Variants in RNF111 observed in about 807,000 individuals in gnomAD.
RNF111 encodes E3 ubiquitin-protein ligase Arkadia.
Under a neutral mutation model 95.1 loss-of-function variants are expected in RNF111, and 17 were observed. The ratio of observed to expected loss-of-function variants is 0.18; its 90% CI spans 0.12 to 0.27. RNF111 has a LOEUF of 0.27. RNF111 is among the 10% of genes least tolerant of loss of function. The pLI is 1.00. For missense variants in RNF111, 1,189 were observed against 1,210.4 expected (o/e 0.98, Z 0.26); for synonymous variants, 440 against 414.8 (o/e 1.06, Z -0.74).
At chr15:59,013,299 C>T (rs771786646) in intron 1 of RNF111, among the ~76,000 whole-genome samples, 28 of 152,168 alleles carry the variant, frequency 1.8e-4, no homozygotes, top group Non-Finnish European at 3.2e-4. Flanking sequence ...ACCCATTACA[C>T]GTTTGTCATG....
chr15:59,065,178 G>T (rs1240278842), intron 5 of RNF111, among the ~76,000 whole-genome samples: 1 of 152,190 alleles, frequency 6.6e-6, no homozygotes, highest in Non-Finnish European at 1.5e-5. Flanking sequence ...AGAGTAGGGG[G>T]TTAAGGATGG....
intron 1 of RNF111, 56 bp from the exon 2 acceptor site, chr15:59,030,748 A>G: frequency 8.1e-7 from 1 of 1,239,630 alleles, no homozygotes; most frequent in Non-Finnish European, 1.1e-6. Context: ...CTCTTCAATT[A>G]AATAGTATAA....
At chr15:59,034,355 T>G (rs2041066449) in intron 2 of RNF111, among the ~76,000 whole-genome samples, 1 of 152,248 alleles carries the variant, frequency 6.6e-6, no homozygotes, top group Admixed American at 6.5e-5. Flanking sequence ...TGTTGTTGGC[T>G]GTTGTTACCA....
chr15:59,052,009 A>G (rs532437554), intron 2 of RNF111, among the ~76,000 whole-genome samples: 1 of 152,248 alleles, frequency 6.6e-6, no homozygotes, highest in East Asian at 1.9e-4. Context: ...ATTACAGGAT[A>G]AATATCTATA....
At chr15:59,032,003 A>G (rs573989822) in intron 2 of RNF111, among the ~76,000 whole-genome samples, 196 of 152,114 alleles carry the variant, frequency 1.3e-3, no homozygotes, top group African/African-American at 4.6e-3. Context: ...CAGTGGCGCA[A>G]TCTCGGCTCA....
chr15:59,023,180 G>A (rs1219563239), intron 1 of RNF111, among the ~76,000 whole-genome samples: 1 of 152,158 alleles, frequency 6.6e-6, no homozygotes, highest in Non-Finnish European at 1.5e-5. Context: ...TCCGGGAGGC[G>A]TAGGTTGCAG....
chr15:59,001,135 G>T (rs143079828), intron 1 of RNF111, among the ~76,000 whole-genome samples: 20 of 152,236 alleles, frequency 1.3e-4, no homozygotes, highest in African/African-American at 4.8e-4. Flanking sequence ...TGGTTATCTG[G>T]GGGAAGAGCA....
intron 2 of RNF111, among the ~76,000 whole-genome samples, chr15:59,046,441 C>G (rs2141908640): frequency 6.6e-6 from 1 of 152,328 alleles, no homozygotes; most frequent in Middle Eastern, 3.4e-3. Context: ...GATCTGCCCA[C>G]CTCAGCCTAC....
At chr15:59,043,698 C>G (rs184236692) in intron 2 of RNF111, among the ~76,000 whole-genome samples, 23 of 152,190 alleles carry the variant, frequency 1.5e-4, no homozygotes, top group Admixed American at 1.5e-3. Flanking sequence ...TGGAAAGATA[C>G]CAACAGAGGA....
chr15:59,001,999 C>T (rs1281610429), intron 1 of RNF111, among the ~76,000 whole-genome samples: 2 of 152,168 alleles, frequency 1.3e-5, no homozygotes, highest in Non-Finnish European at 2.9e-5. Flanking sequence ...ACTCACCTTT[C>T]TTGTGATGAC....
chr15:59,019,757 G>C (rs182566527), intron 1 of RNF111, among the ~76,000 whole-genome samples: 311 of 152,172 alleles, frequency 2.0e-3, no homozygotes, highest in Non-Finnish European at 3.9e-3. Flanking sequence ...TCAGGAATTC[G>C]AGACCGGCCT....
intron 1 of RNF111, among the ~76,000 whole-genome samples, chr15:59,016,230 C>T (rs1364472127): frequency 1.3e-5 from 2 of 151,116 alleles, no homozygotes. Context: ...AGTGCAGTGG[C>T]ATGATTTTGG....
At chr15:59,023,386 C>T (rs529756737) in intron 1 of RNF111, among the ~76,000 whole-genome samples, 1 of 152,138 alleles carries the variant, frequency 6.6e-6, no homozygotes, top group East Asian at 1.9e-4. Context: ...TCATGTAGGT[C>T]CTTTGTGTCT....
intron 3 of RNF111, among the ~76,000 whole-genome samples, chr15:59,054,459 T>C (rs1392664629): frequency 6.6e-6 from 1 of 152,182 alleles, no homozygotes; most frequent in East Asian, 1.9e-4. Flanking sequence ...CCAGAGATAA[T>C]AGACTACTCA....
chr15:59,063,208 A>G (rs964773612), intron 5 of RNF111, among the ~76,000 whole-genome samples: 5 of 152,238 alleles, frequency 3.3e-5, no homozygotes, highest in African/African-American at 1.2e-4. Context: ...TGAGCCACCT[A>G]CATTGTGCAA....
At chr15:59,060,445 G>GA (rs2042385292) in intron 5 of RNF111, among the ~76,000 whole-genome samples, 5 of 151,766 alleles carry the variant, frequency 3.3e-5, no homozygotes, top group Admixed American at 2.0e-4. Flanking sequence ...CTCTTTTGAA[G>GA]AAAAAAACAA....
At chr15:59,089,538 T>G in intron 10 of RNF111, 129 bp from the exon 11 acceptor site, 1 of 709,196 alleles carries the variant, frequency 1.4e-6, no homozygotes, top group Non-Finnish European at 2.5e-6. Context: ...GAGTTATGTA[T>G]TCTTATTGAA....
intron 1 of RNF111, among the ~76,000 whole-genome samples, chr15:58,998,925 C>T (rs12595746): frequency 6.6e-6 from 1 of 152,164 alleles, no homozygotes; most frequent in Non-Finnish European, 1.5e-5. Context: ...AAAGTCATGT[C>T]TGGGTGAAAG....
chr15:59,029,416 G>C (rs926027758), intron 1 of RNF111, among the ~76,000 whole-genome samples: 2 of 152,230 alleles, frequency 1.3e-5, no homozygotes, highest in African/African-American at 2.4e-5. Context: ...CTGAACTACA[G>C]ATAGCGCGTG....
Sources: allele counts gnomAD v4.1 joint callset (sites outside exome capture counted in the v4.1 genomes callset), GRCh38; gene constraint gnomAD v4.1.1; transcripts MANE v1.5; gene names NCBI Gene and HGNC (gene_info 2026-07-23, HGNC 2026-07-21).